The following GSDMD variants were observed in gnomAD, a reference collection of about 807,000 sequenced individuals.
GSDMD encodes gasdermin D.
GSDMD carries 46 observed loss-of-function variants against 46.7 expected under a neutral mutation model. That is an observed-to-expected ratio of 0.99 (90% CI 0.78 to 1.26). The LOEUF is 1.26. Among genes scored for constraint, GSDMD ranks in the 50% most tolerant of loss-of-function variants. GSDMD has a pLI of 0.00. For synonymous variants in GSDMD, 307 were observed against 283.1 expected (o/e 1.08, Z -0.85); for missense variants, 649 against 638.8 (o/e 1.02, Z -0.17).
rs569474023 is a variant in GSDMD, at chr8:143,562,681, A to G, written c.1232A>G (p.Gln411Arg). ...PLELVGSLLEQSAPWQERSTM... is the reference protein window; with the variant it reads ...PLELVGSLLERSAPWQERSTM... ...TGGCAGGTGGGCAGCCTCTTGGAGC[A>G]GAGTGCCCCGTGGCAGGAGCGCAGC... The change falls in exon 11 of 11, where the codon CAG becomes CGG. Residue 411 changes from glutamine to arginine, a missense_variant. Transcript: ENST00000262580. The G allele has an allele frequency of 1.2e-6, 2 of 1,606,760 alleles. No homozygotes were observed. The highest frequency in any genetic ancestry group is 2.2e-5 in the South Asian group (2 of 90,116).
Position 143,559,395 on chromosome 8 carries a change from G to C in GSDMD, c.60G>C (p.Gly20=). The C allele has an allele frequency of 6.2e-7, 1 of 1,612,950 alleles. No individual in the cohort carries two copies. The stretch of plus-strand genomic sequence containing the variant: ...TGGTCCAGGAGCTGGACCATGGTGG[G>C]GAGTTCATCCCTGTGACCAGCCTGC... The part of the protein sequence containing the change: ...RRVVQELDHG[G]EFIPVTSLQS... The change falls in exon 2 of 11, where the codon GGG becomes GGC. Residue 20 remains glycine (G), a synonymous_variant. Coordinates refer to ENST00000262580, the MANE Select transcript of GSDMD (RefSeq NM_024736.7).
upstream of GSDMD, chr8:143,558,336 G>C (rs80346174): frequency 0.18 from 278,822 of 1,521,134 alleles, 27,264 homozygotes; most frequent in Middle Eastern, 0.27. Context: ...GGCGGGCCCT[G>C]CGTCAGGTTG....
upstream of GSDMD, chr8:143,557,999 A>G: frequency 2.5e-6 from 1 of 399,010 alleles, no homozygotes; most frequent in Non-Finnish European, 5.0e-6. Flanking sequence ...GGTTCAAGCG[A>G]TTCTCTTGCC....
Position 143,558,452 on chromosome 8 carries a change from G to T in GSDMD, c.-5+1G>T, listed in dbSNP as rs1456774659. The T allele has an allele frequency of 7.4e-6, 11 of 1,494,720 alleles. No individual in the cohort carries two copies. Among genetic ancestry groups the T allele is most frequent in the Non-Finnish European group, 8.0e-6 (9 of 1,128,552 alleles). The allele number at this position is 1,494,720 out of a possible 1,614,324, so 92.6% of individuals were successfully genotyped here. ...CACCCTCGGGGCGCCGACGGTCACG[G>T]TGAGCTGCGCCCCGCCCCCTCCCCC... On this transcript the variant is annotated splice_donor_variant, in intron 1 of 10. Coordinates refer to ENST00000262580, the MANE Select transcript of GSDMD (RefSeq NM_024736.7). LOFTEE classifies it low-confidence loss of function (5UTR_SPLICE).
Position 143,562,082 on chromosome 8 carries a change from T to C in GSDMD, c.947T>C (p.Leu316Pro). 1 of 1,596,880 alleles carries C rather than the reference T, an allele frequency of 6.3e-7. No individual in the cohort carries two copies. Among genetic ancestry groups the C allele is most frequent in the Admixed American group, 1.7e-5 (1 of 59,666 alleles). Residue 316 changes from leucine to proline, a missense_variant, in exon 8 of 11, where the codon CTG (leucine) becomes CCG (proline). Transcript: ENST00000262580. ...RELCQLLLEG[L>P]EGVLRDQLAL... ...CTGTGCCAGCTGCTGCTGGAGGGCC[T>C]GGAGGGGGTGCTGCGGGACCAGCTG...
At position 143,559,984 on chromosome 8, in the gene GSDMD, G is replaced by A. The variant is rs892556290; in HGVS notation, c.410+15G>A. ...CTCCATGAGAGGTGGGCCCGAAGAGGGCAGGGCAGGGCAGGGCCCCACCTA... is the reference window on the plus strand; with the variant it reads ...CTCCATGAGAGGTGGGCCCGAAGAGAGCAGGGCAGGGCAGGGCCCCACCTA... On this transcript the variant is annotated intron_variant, in intron 3 of 10. Transcript: ENST00000262580. 4 of 1,568,018 alleles carry A rather than the reference G, an allele frequency of 2.6e-6. No individual in the cohort carries two copies. Among genetic ancestry groups the A allele is most frequent in the East Asian group, 4.5e-5 (2 of 44,758 alleles).
At chr8:143,557,347 T>TGCCGCTATGGCGAAGGATGCC (rs1823322866), upstream of GSDMD, among the ~76,000 whole-genome samples, 1 of 147,500 alleles carries the variant, frequency 6.8e-6, no homozygotes, top group Admixed American at 6.6e-5. Flanking sequence ...TGAAGGATGC[T>TGCCGCTATGGCGAAGGATGCC]GCCGCTTTGG....
intron 1 of GSDMD, 178 bp downstream of exon 1, chr8:143,558,629 G>A (rs928049320): frequency 3.1e-6 from 2 of 641,252 alleles, no homozygotes; most frequent in Non-Finnish European, 2.5e-6. Context: ...GCCAGCCCAG[G>A]GGCCCGGCCT....
At chr8:143,553,769 G>C (rs1378348244), upstream of GSDMD, 1 of 146,818 alleles carries the variant, frequency 6.8e-6, no homozygotes, top group Non-Finnish European at 1.5e-5. Context: ...AGGTAACTTC[G>C]TCACTGCCCG....
upstream of GSDMD, among the ~76,000 whole-genome samples, chr8:143,555,404 G>C (rs1225837300): frequency 6.6e-6 from 1 of 152,216 alleles, no homozygotes; most frequent in Non-Finnish European, 1.5e-5. Context: ...CTCCAGCTGG[G>C]CTCAGGGTTG....
chr8:143,559,994 G>A (rs1563905316), intron 3 of GSDMD, 25 bp downstream of exon 3: 4 of 1,602,522 alleles, frequency 2.5e-6, no homozygotes, highest in Non-Finnish European at 3.4e-6. Flanking sequence ...GGCAGGGCAG[G>A]GCAGGGCCCC....
In GSDMD at chr8:143,562,515, C is replaced by T. The variant is rs139194475; in HGVS notation, c.1206C>T (p.Leu402=). The stretch of plus-strand genomic sequence containing the variant: ...AGTCGCAGACCCTGTTGGGGCCGCT[C>T]GAGCTGGTGAGAGGGTTGGGTTCGG... The part of the protein sequence containing the change: ...ALESQTLLGP[L]ELVGSLLEQS... Residue 402 remains leucine, a synonymous_variant, in exon 10 of 11, where the codon CTC becomes CTT. Coordinates refer to ENST00000262580, the MANE Select transcript of GSDMD (RefSeq NM_024736.7). 5.6e-6 allele frequency: 9 copies of T among 1,606,610 alleles called. No homozygotes were observed. The highest frequency in any genetic ancestry group is 2.7e-5 in the African/African-American group (2 of 74,864).
Position 143,559,488 on chromosome 8 carries a change from A to G in GSDMD, c.153A>G (p.Lys51=). 1 of 1,612,796 alleles carries G rather than the reference A, an allele frequency of 6.2e-7. No homozygotes were observed. The highest frequency in any genetic ancestry group is 2.2e-5 in the East Asian group (1 of 44,882). Residue 51 remains lysine (K), a synonymous_variant, in exon 2 of 11, where the codon AAA becomes AAG. Transcript: ENST00000262580. Reference sequence around the variant, plus strand: ...AGCCCTCAAGCTCATGGTTCTGGAAACCCCGTTATAAGTGTGTCAACCTGT... The same window carrying G: ...AGCCCTCAAGCTCATGGTTCTGGAAGCCCCGTTATAAGTGTGTCAACCTGT... The part of the protein sequence containing the change: ...VRKPSSSWFW[K]PRYKCVNLSI...
intron 5 of GSDMD, 30 bp downstream of exon 5, chr8:143,561,134 C>G: frequency 6.3e-7 from 1 of 1,592,614 alleles, no homozygotes; most frequent in Non-Finnish European, 8.6e-7. Context: ...GTCTCGGGCC[C>G]AGGCCCTGGC....
At position 143,558,365 on chromosome 8, in the gene GSDMD, T is replaced by G; in HGVS notation, c.-91T>G. 6.6e-7 allele frequency: 1 copy of G among 1,523,590 alleles called. No homozygotes were observed. The highest frequency in any genetic ancestry group is 8.8e-7 in the Non-Finnish European group (1 of 1,141,880). The allele number at this position is 1,523,590 out of a possible 1,614,324, so 94.4% of individuals were successfully genotyped here. A position where few individuals can be genotyped will look rare whatever the true frequency, so the allele number is the denominator to read the frequency against. On this transcript the variant is annotated 5_prime_UTR_variant, in exon 1 of 11. Transcript: ENST00000262580. Reference sequence around the variant, plus strand: ...CAGGTTGCAGTTTCACTTTTAGCTCTGGGCACCTCCAGCTCCTGCTCGCCG... The same window carrying G: ...CAGGTTGCAGTTTCACTTTTAGCTCGGGGCACCTCCAGCTCCTGCTCGCCG...
At chr8:143,562,376 C>T (rs769629981) in intron 9 of GSDMD, 26 bp downstream of exon 9, 17 of 267,366 alleles carry the variant, frequency 6.4e-5, no homozygotes, top group South Asian at 1.0e-4. Context: ...GGGCAGGTGG[C>T]GGGTGGGAGG....
chr8:143,558,323 C>T (rs1586993054), upstream of GSDMD: 4 of 1,522,146 alleles, frequency 2.6e-6, no homozygotes, highest in Non-Finnish European at 3.5e-6. Flanking sequence ...GGAGGGCGTC[C>T]TGGGCGGGCC....
At chr8:143,558,511 C>G (rs1181826391) in intron 1 of GSDMD, 60 bp downstream of exon 1, 3 of 1,378,228 alleles carry the variant, frequency 2.2e-6, no homozygotes, top group Non-Finnish European at 1.9e-6. Context: ...GGGCCGGCCG[C>G]TGGCTCCCGG....
In GSDMD at chr8:143,562,648, C is replaced by T; in HGVS notation, c.1213-14C>T. On this transcript the variant is annotated splice_polypyrimidine_tract_variant and intron_variant, in intron 10 of 10. Transcript: ENST00000262580. ...GATTTCCCCATCTGACTCACTCCTG[C>T]CCTGTCTTGGCAGGTGGGCAGCCTC... 1.2e-6 allele frequency: 2 copies of T among 1,606,080 alleles called. No individual in the cohort carries two copies. The highest frequency in any genetic ancestry group is 1.3e-5 in the African/African-American group (1 of 74,904).
Sources: gnomAD v4.1 joint callset for allele counts (sites outside exome capture counted in the v4.1 genomes callset) on GRCh38, gnomAD v4.1.1 for gene constraint, MANE v1.5 for transcripts, NCBI Gene and HGNC (gene_info 2026-07-23, HGNC 2026-07-21) for gene names.